The following HSPG2 variants were observed in gnomAD, a reference collection of about 807,000 sequenced individuals.
HSPG2 encodes heparan sulfate proteoglycan 2.
HSPG2 carries 278 observed loss-of-function variants against 526.6 expected under a neutral mutation model. That is an observed-to-expected ratio of 0.53 (90% CI 0.48 to 0.58). The LOEUF is 0.58. Among genes scored for constraint, HSPG2 ranks in the 20% least tolerant of loss-of-function variants. HSPG2 has a pLI of 0.00. For missense variants in HSPG2, 5,354 were observed against 6,099.5 expected, an observed-to-expected ratio of 0.88 and a Z score of 4.07; for synonymous variants, 2,465 against 2,555.4, an observed-to-expected ratio of 0.96 and a Z score of 1.07.
intron 33 of HSPG2, among the ~76,000 whole-genome samples, chr1:21,867,496 C>T (rs1442910340): frequency 2.6e-5 from 4 of 152,202 alleles, no homozygotes; most frequent in Non-Finnish European, 4.4e-5. Flanking sequence ...CTGAGCCCTA[C>T]TTTCCTCACA....
In HSPG2 at chr1:21,873,953, G is replaced by C. The variant is rs1640853657; in HGVS notation, c.3715C>G (p.Pro1239Ala). ...TCACAGTGACGCCCACTGTGGCCTG[G>C]GGAGCACGCATCACAGGTGGGGTGG... ...DGHPTCDACS[P>A]GHSGRHCERC... The change falls in exon 29 of 97, where the codon CCA becomes GCA. Residue 1239 changes from proline to alanine, a missense_variant. Physicochemically the swap from Pro to Ala is conservative, Grantham distance 27 (BLOSUM62 -1). Coordinates refer to ENST00000374695, the MANE Select transcript of HSPG2 (RefSeq NM_005529.7). 6.2e-7 allele frequency: 1 copy of C among 1,604,184 alleles called. No homozygotes were observed. The highest frequency in any genetic ancestry group is 1.7e-4 in the Middle Eastern group (1 of 5,926).
At chr1:21,843,781 G>C (rs2098059554) in intron 65 of HSPG2, among the ~76,000 whole-genome samples, 1 of 152,114 alleles carries the variant, frequency 6.6e-6, no homozygotes. Context: ...TGAGTAGCTG[G>C]GATTACAGGC....
At chr1:21,823,838 C>T in intron 95 of HSPG2, 119 bp from the exon 96 acceptor site, 1 of 830,274 alleles carries the variant, frequency 1.2e-6, no homozygotes, top group South Asian at 1.4e-5. Context: ...CCCTGTTTCC[C>T]AAGCTCTTTC....
chr1:21,852,698 A>G lies in HSPG2; in HGVS notation c.6724+2T>C. The G allele has an allele frequency of 1.9e-6, 3 of 1,613,366 alleles. No individual in the cohort carries two copies. The highest frequency in any genetic ancestry group is 2.5e-6 in the Non-Finnish European group (3 of 1,180,016). ...CTTTCCATGTCACTGGGAGTCACTC[A>G]CCAGGGATGACAGAGGCTTCGATGG... On this transcript the variant is annotated splice_donor_variant, in intron 52 of 96. Coordinates refer to ENST00000374695, the MANE Select transcript of HSPG2 (RefSeq NM_005529.7). LOFTEE classifies it high-confidence loss of function.
At position 21,936,533 on chromosome 1, in the gene HSPG2, CAG is replaced by C. The variant is rs140086685; in HGVS notation, c.63+620_63+621del. On this transcript the variant is annotated intron_variant, in intron 1 of 96. Transcript: ENST00000374695. Reference sequence around the variant, plus strand: ...CCCTTGACCCACGTGGGGCTGGCCTCAGAGAGGTTAACTAGCGTGCCCCAGGT... The same window carrying C: ...CCCTTGACCCACGTGGGGCTGGCCTCAGAGGTTAACTAGCGTGCCCCAGGT... 4.6e-3 allele frequency among the ~76,000 whole-genome samples: 700 copies of C among 152,324 alleles called. 6 individuals carry two copies. Among genetic ancestry groups the C allele is most frequent in the African/African-American group, 0.016 (655 of 41,582 alleles).
chr1:21,830,122 C>T (rs1375563584), intron 85 of HSPG2, 31 bp from the exon 86 acceptor site: 43 of 1,533,666 alleles, frequency 2.8e-5, no homozygotes, highest in Admixed American at 3.7e-5. Context: ...TGAAAAGACA[C>T]GGAGGTGACT....
chr1:21,885,499 C>T (rs1385021663), intron 9 of HSPG2, 48 bp from the exon 10 acceptor site: 1 of 1,609,344 alleles, frequency 6.2e-7, no homozygotes, highest in Non-Finnish European at 8.5e-7. Context: ...CGTCCATCCT[C>T]CCTGGGCATC....
Position 21,822,558 on chromosome 1 carries a change from GGGTGGGCGGGGCCC to G in HSPG2, c.*744_*757del, listed in dbSNP as rs1023218669. 1.8e-3 allele frequency: 637 copies of G among 357,620 alleles called. 4 individuals carry two copies. Among genetic ancestry groups the G allele is most frequent in the African/African-American group, 8.5e-3 (410 of 48,238 alleles). The allele number at this position is 357,620 out of a possible 1,614,324, so 22.2% of individuals were successfully genotyped here. On this transcript the variant is annotated 3_prime_UTR_variant, in exon 97 of 97. Transcript: ENST00000374695. Reference sequence around the variant, plus strand: ...TCCAGATGGGTGGGGATGTGGCCTGGGGTGGGCGGGGCCCGGTGGGCGGGGCCCTATCAGTGCTG... The same window carrying G: ...TCCAGATGGGTGGGGATGTGGCCTGGGGTGGGCGGGGCCCTATCAGTGCTG...
At chr1:21,871,008 G>A (rs549790065) in intron 33 of HSPG2, 49 of 369,516 alleles carry the variant, frequency 1.3e-4, no homozygotes, top group African/African-American at 8.8e-4. Context: ...AGCCAGCCCC[G>A]GGAGAAGCCT....
intron 52 of HSPG2, 149 bp from the exon 53 acceptor site, chr1:21,852,382 T>G (rs1414775706): frequency 9.9e-7 from 1 of 1,006,928 alleles, no homozygotes; most frequent in Non-Finnish European, 1.5e-6. Context: ...TGCCCTCAGC[T>G]CAGCAACCCT....
intron 80 of HSPG2, 79 bp from the exon 81 acceptor site, chr1:21,832,685 G>A: frequency 2.8e-6 from 3 of 1,075,256 alleles, no homozygotes; most frequent in East Asian, 2.4e-5. Context: ...AACCACCCAA[G>A]CTCTTGAGCC....
intron 1 of HSPG2, among the ~76,000 whole-genome samples, chr1:21,930,252 C>T (rs1234385034): frequency 6.6e-6 from 1 of 152,210 alleles, no homozygotes; most frequent in African/African-American, 2.4e-5. Flanking sequence ...CGCTCACTTA[C>T]TTCAGGTCTC....
intron 1 of HSPG2, among the ~76,000 whole-genome samples, chr1:21,930,645 G>A (rs1644322969): frequency 6.6e-6 from 1 of 152,092 alleles, no homozygotes; most frequent in Admixed American, 6.6e-5. Context: ...GTGGTGGCGT[G>A]TTCCTGTAAT....
chr1:21,910,222 T>C (rs1345412756), intron 1 of HSPG2, among the ~76,000 whole-genome samples: 2 of 152,208 alleles, frequency 1.3e-5, no homozygotes, highest in Admixed American at 6.5e-5. Context: ...TTTAAAGCTC[T>C]GACTGGGCCT....
intron 33 of HSPG2, among the ~76,000 whole-genome samples, chr1:21,867,315 C>T (rs1056758103): frequency 3.9e-5 from 6 of 151,946 alleles, no homozygotes; most frequent in African/African-American, 1.5e-4. Flanking sequence ...CAACTCCTGG[C>T]CTGAAGCGAT....
intron 1 of HSPG2, among the ~76,000 whole-genome samples, chr1:21,918,621 C>T (rs1361893225): frequency 6.6e-6 from 1 of 152,096 alleles, no homozygotes; most frequent in Non-Finnish European, 1.5e-5. Context: ...ATTATTATTA[C>T]CACCCTCATT....
intron 1 of HSPG2, among the ~76,000 whole-genome samples, chr1:21,903,947 C>T (rs1444123523): frequency 2.0e-5 from 3 of 152,238 alleles, no homozygotes; most frequent in South Asian, 4.1e-4. Context: ...CATATTCTAG[C>T]TAGGGGGCTT....
rs1206342516 is a variant in HSPG2, at chr1:21,876,279, A to G, written c.2953T>C (p.Leu985=). Residue 985 remains leucine, a synonymous_variant, in exon 23 of 97, where the codon TTA becomes CTA. Coordinates refer to ENST00000374695, the MANE Select transcript of HSPG2 (RefSeq NM_005529.7). ...ELGFSSFHRL[L]SGPYFWSLPS... ...AGGCTCCAGAAGTAGGGTCCAGATA[A>G]GAGTCTGTGGAAGGAGGAGAATCCC... 2 of 1,613,902 alleles carry G rather than the reference A, an allele frequency of 1.2e-6. No individual in the cohort carries two copies. The highest frequency in any genetic ancestry group is 1.1e-5 in the South Asian group (1 of 90,990).
In HSPG2 at chr1:21,831,727, G is replaced by A. The variant is rs762880860; in HGVS notation, c.11277C>T (p.Thr3759=). The part of the protein sequence containing the change: ...PTPLALGHFH[T]VTLLRSLTQG... ...GGGTGAGGCTGCGCAGCAGGGTCAC[G>A]GTGTGGAAATGGCCCAGGGCCAGTG... Residue 3759 remains threonine (T), a synonymous_variant, in exon 82 of 97, where the codon ACC becomes ACT. Transcript: ENST00000374695. The A allele has an allele frequency of 2.2e-5, 36 of 1,606,446 alleles. No homozygotes were observed. The highest frequency in any genetic ancestry group is 3.3e-5 in the South Asian group (3 of 90,124).
Sources: gnomAD v4.1 joint callset for allele counts (sites outside exome capture counted in the v4.1 genomes callset) on GRCh38, gnomAD v4.1.1 for gene constraint, MANE v1.5 for transcripts, NCBI Gene and HGNC (gene_info 2026-07-23, HGNC 2026-07-21) for gene names.